GPC6: variants seen among roughly 807,000 people sequenced by gnomAD.
GPC6 encodes the protein glypican-6.
A neutral mutation model predicts 55.2 loss-of-function variants in GPC6; 14 were observed. That is an observed-to-expected ratio of 0.25 (90% confidence interval 0.17 to 0.40). The LOEUF is 0.40. Among genes scored for constraint, GPC6 ranks in the 10% least tolerant of loss-of-function variants. The pLI is 1.00. For synonymous variants in GPC6, 278 were observed against 259.6 expected (o/e 1.07, Z -0.68); for missense variants, 641 against 708.5 (o/e 0.90, Z 1.08).
intron 1 of GPC6, among the ~76,000 whole-genome samples, chr13:93,431,477 C>T: frequency 6.6e-6 from 1 of 151,922 alleles, no homozygotes; most frequent in East Asian, 1.9e-4. Context: ...TGAAGATAAA[C>T]AACTTTATGT....
chr13:93,973,742 C>T (rs1213271239), intron 3 of GPC6, among the ~76,000 whole-genome samples: 1 of 152,164 alleles, frequency 6.6e-6, no homozygotes, highest in Non-Finnish European at 1.5e-5. Flanking sequence ...TAACTGAGAA[C>T]ATAAAAGATC....
chr13:93,344,162 A>G (rs1302229322), intron 1 of GPC6, among the ~76,000 whole-genome samples: 1 of 152,184 alleles, frequency 6.6e-6, no homozygotes, highest in Non-Finnish European at 1.5e-5. Context: ...TAAAGGGATC[A>G]TGCTGCCATC....
intron 3 of GPC6, among the ~76,000 whole-genome samples, chr13:93,860,294 G>A (rs914173428): frequency 1.3e-5 from 2 of 151,602 alleles, no homozygotes; most frequent in Non-Finnish European, 3.0e-5. Flanking sequence ...TAGGGACCAT[G>A]TATGTCCAAG....
chr13:93,629,462 T>C (rs763542432), intron 2 of GPC6, among the ~76,000 whole-genome samples: 6 of 152,180 alleles, frequency 3.9e-5, no homozygotes, highest in African/African-American at 7.2e-5. Flanking sequence ...GTTCGAGCCA[T>C]TGAAATAATT....
intron 2 of GPC6, among the ~76,000 whole-genome samples, chr13:93,678,904 G>A (rs1438648374): frequency 1.3e-5 from 2 of 152,096 alleles, no homozygotes; most frequent in Non-Finnish European, 1.5e-5. Flanking sequence ...AGAAGGGCTT[G>A]ATTGGACCAA....
intron 4 of GPC6, among the ~76,000 whole-genome samples, chr13:94,085,476 A>G (rs1473172230): frequency 6.6e-6 from 1 of 152,208 alleles, no homozygotes; most frequent in Non-Finnish European, 1.5e-5. Context: ...TTTGCTGAGT[A>G]AGACAAGGTA....
At position 93,285,636 on chromosome 13, in the gene GPC6, G is replaced by GTGTGTGTGTGTGTA. The variant is rs1555287690; in HGVS notation, c.160+58033_160+58034insATGTGTGTGTGTGT. Among the ~76,000 whole-genome samples the GTGTGTGTGTGTGTA allele has an allele frequency of 5.3e-3, 785 of 149,198 alleles. 5 individuals carry two copies. Among genetic ancestry groups the GTGTGTGTGTGTGTA allele is most frequent in the Non-Finnish European group, 7.5e-3 (507 of 67,272 alleles). ...TACTGCTGTGTGTGTGTGTGTGTGT[G>GTGTGTGTGTGTGTA]TGTGTGTGTGTGTGTGTGTGTGTGT... On this transcript the variant is annotated intron_variant, in intron 1 of 8. Transcript: ENST00000377047.
chr13:93,425,819 C>T (rs1249335321), intron 1 of GPC6, among the ~76,000 whole-genome samples: 3 of 152,184 alleles, frequency 2.0e-5, no homozygotes, highest in African/African-American at 7.2e-5. Flanking sequence ...TTTCACAAAG[C>T]ACATTACAAG....
chr13:93,631,357 A>G (rs1430216850), intron 2 of GPC6, among the ~76,000 whole-genome samples: 1 of 152,024 alleles, frequency 6.6e-6, no homozygotes, highest in Non-Finnish European at 1.5e-5. Flanking sequence ...TTCTCTGGGG[A>G]CCTCTTTACA....
At chr13:94,324,339 A>T (rs911533502) in intron 6 of GPC6, among the ~76,000 whole-genome samples, 2 of 151,298 alleles carry the variant, frequency 1.3e-5, no homozygotes, top group African/African-American at 4.9e-5. Context: ...AACTCAAGCC[A>T]GACAAGGTAG....
chr13:93,658,980 T>G (rs1880808020), intron 2 of GPC6, among the ~76,000 whole-genome samples: 1 of 151,880 alleles, frequency 6.6e-6, no homozygotes. Flanking sequence ...GTAAATTTCA[T>G]CAGTAAAAGC....
chr13:93,718,897 T>C (rs1883345456), intron 2 of GPC6, among the ~76,000 whole-genome samples: 1 of 152,078 alleles, frequency 6.6e-6, no homozygotes. Flanking sequence ...TGGTTGTAGA[T>C]GTGTAGTATT....
At chr13:93,497,341 A>G (rs1220537061) in intron 1 of GPC6, among the ~76,000 whole-genome samples, 1 of 152,198 alleles carries the variant, frequency 6.6e-6, no homozygotes, top group East Asian at 1.9e-4. Flanking sequence ...TTCTTAGCTC[A>G]GGGAGCAGCC....
chr13:94,256,513 A>G (rs1028764485), intron 4 of GPC6, among the ~76,000 whole-genome samples: 21 of 152,190 alleles, frequency 1.4e-4, no homozygotes, highest in African/African-American at 4.6e-4. Flanking sequence ...TGTCAGTGTC[A>G]TCTCAATGTA....
chr13:94,085,548 T>G (rs982012770), intron 4 of GPC6, among the ~76,000 whole-genome samples: 4 of 152,110 alleles, frequency 2.6e-5, no homozygotes, highest in African/African-American at 7.2e-5. Flanking sequence ...CGGGATATAA[T>G]AAGAGTCTAT....
chr13:93,473,024 G>C (rs976741304), intron 1 of GPC6, among the ~76,000 whole-genome samples: 1 of 152,192 alleles, frequency 6.6e-6, no homozygotes, highest in Non-Finnish European at 1.5e-5. Flanking sequence ...AGCTGTGGCT[G>C]AGCCTGGGGC....
intron 1 of GPC6, among the ~76,000 whole-genome samples, chr13:93,372,880 A>G (rs1269290955): frequency 1.3e-5 from 2 of 152,182 alleles, no homozygotes; most frequent in Admixed American, 1.3e-4. Context: ...AGGACACACT[A>G]AACAACTGTG....
chr13:94,214,456 CT>C (rs951823441), intron 4 of GPC6, among the ~76,000 whole-genome samples: 5 of 152,018 alleles, frequency 3.3e-5, no homozygotes, highest in Non-Finnish European at 5.9e-5. Flanking sequence ...TTAGTTTTAT[CT>C]TTTTTTATCT....
intron 1 of GPC6, among the ~76,000 whole-genome samples, chr13:93,389,904 T>C (rs17300206): frequency 0.14 from 20,639 of 152,138 alleles, 2,190 homozygotes; most frequent in East Asian, 0.53. Context: ...ATGATATTCC[T>C]GGGTCACAGA....
Sources: gnomAD v4.1 joint callset for allele counts (sites outside exome capture counted in the v4.1 genomes callset) on GRCh38, gnomAD v4.1.1 for gene constraint, MANE v1.5 for transcripts, NCBI Gene and HGNC (gene_info 2026-07-23, HGNC 2026-07-21) for gene names.